Variants in TMEM108 observed in about 807,000 individuals in gnomAD.
TMEM108 encodes transmembrane protein 108, also known as cancer/testis antigen 124.
In TMEM108, 12 loss-of-function variants were observed where a neutral mutation model predicts 35.1. That is an observed-to-expected ratio of 0.34 (90% CI 0.22 to 0.55). TMEM108 has a LOEUF of 0.55. Ranked by LOEUF, TMEM108 falls within the 20% of genes least tolerant of loss-of-function variation. The probability of loss-of-function intolerance (pLI) is 0.89; values close to 1 mark genes in which losing one functional copy is unlikely to be tolerated. For missense variants in TMEM108, 680 were observed against 753.3 expected (o/e 0.90, Z 1.14); for synonymous variants, 287 against 308.6 (o/e 0.93, Z 0.73).
chr3:133,176,287 C>T (rs1230521385), intron 2 of TMEM108, among the ~76,000 whole-genome samples: 2 of 152,076 alleles, frequency 1.3e-5, no homozygotes, highest in African/African-American at 2.4e-5. Context: ...AACAAGGATA[C>T]CCAGGAATTG....
chr3:133,062,834 C>G (rs1208479062), intron 2 of TMEM108, among the ~76,000 whole-genome samples: 1 of 152,178 alleles, frequency 6.6e-6, no homozygotes, highest in African/African-American at 2.4e-5. Flanking sequence ...GTTTTTCTCC[C>G]TCTGGGCCTT....
At chr3:133,275,387 G>A (rs1460194460) in intron 3 of TMEM108, among the ~76,000 whole-genome samples, 1 of 152,134 alleles carries the variant, frequency 6.6e-6, no homozygotes, top group East Asian at 1.9e-4. Context: ...ATTTTAACAT[G>A]TAATTGGATT....
intron 2 of TMEM108, among the ~76,000 whole-genome samples, chr3:133,214,007 A>G (rs1945870207): frequency 6.6e-6 from 1 of 152,300 alleles, no homozygotes; most frequent in African/African-American, 2.4e-5. Context: ...CCTTTGGGTC[A>G]TTTCTGGCTT....
At chr3:133,073,510 C>CTCTCTCTCTCTCTCTCTATATATA in intron 2 of TMEM108, among the ~76,000 whole-genome samples, 30 of 43,876 alleles carry the variant, frequency 6.8e-4, no homozygotes, top group African/African-American at 1.2e-3. Context: ...CTCTCTCTCT[C>CTCTCTCTCTCTCTCTCTATATATA]TATATATATA....
At chr3:133,311,044 A>T (rs561684705) in intron 3 of TMEM108, among the ~76,000 whole-genome samples, 1 of 152,320 alleles carries the variant, frequency 6.6e-6, no homozygotes, top group South Asian at 2.1e-4. Context: ...AATGTTGAAT[A>T]TTGACCCCCA....
chr3:133,221,203 G>A (rs144903723), intron 2 of TMEM108, among the ~76,000 whole-genome samples: 4 of 152,222 alleles, frequency 2.6e-5, no homozygotes, highest in South Asian at 2.1e-4. Flanking sequence ...GAGAATGTAG[G>A]ATGGGGCTGA....
At chr3:133,353,194 T>A (rs7636781) in intron 3 of TMEM108, among the ~76,000 whole-genome samples, 50,203 of 152,038 alleles carry the variant, frequency 0.33, 8,831 homozygotes, top group East Asian at 0.48. Context: ...GTGGAGGAGA[T>A]CCTTTCCCAA....
intron 3 of TMEM108, among the ~76,000 whole-genome samples, chr3:133,332,584 T>G (rs2071409400): frequency 4.6e-5 from 7 of 152,214 alleles, no homozygotes; most frequent in Admixed American, 4.6e-4. Flanking sequence ...AAGATTCTTC[T>G]GATGCTGTGG....
intron 2 of TMEM108, among the ~76,000 whole-genome samples, chr3:133,111,428 C>T (rs1484843831): frequency 6.6e-6 from 1 of 152,048 alleles, no homozygotes; most frequent in Admixed American, 6.6e-5. Flanking sequence ...ACCCTTTCTT[C>T]TCATCATGAG....
intron 2 of TMEM108, among the ~76,000 whole-genome samples, chr3:133,176,270 GA>G (rs879417548): frequency 3.1e-4 from 47 of 151,788 alleles, no homozygotes; most frequent in Admixed American, 7.9e-4. Flanking sequence ...CAACAAGACA[GA>G]AGGTTAACAA....
chr3:133,040,644 T>C (rs534669284), intron 1 of TMEM108, among the ~76,000 whole-genome samples: 10 of 152,256 alleles, frequency 6.6e-5, no homozygotes, highest in Non-Finnish European at 1.5e-4. Flanking sequence ...ATGCATTGTT[T>C]GTTTGGCCTG....
In TMEM108 at chr3:133,379,947, C is replaced by T. The variant is rs755326269; in HGVS notation, c.236C>T (p.Ala79Val). ...NPDGPPSQAAAPMATPTPRAE... is the reference protein window; with the variant it reads ...NPDGPPSQAAVPMATPTPRAE... Reference sequence around the variant, plus strand: ...GATGGACCCCCCTCACAGGCTGCAGCTCCCATGGCAACACCGACACCCCGT... The same window carrying T: ...GATGGACCCCCCTCACAGGCTGCAGTTCCCATGGCAACACCGACACCCCGT... The change falls in exon 4 of 6, where the codon GCT (alanine) becomes GTT (valine). Residue 79 changes from alanine (A) to valine (V), a missense_variant. Transcript: ENST00000321871. 6.2e-7 allele frequency: 1 copy of T among 1,613,834 alleles called. No individual in the cohort carries two copies. The highest frequency in any genetic ancestry group is 1.3e-5 in the African/African-American group (1 of 74,938).
At chr3:133,124,509 G>A (rs1314739416) in intron 2 of TMEM108, among the ~76,000 whole-genome samples, 1 of 152,110 alleles carries the variant, frequency 6.6e-6, no homozygotes, top group Non-Finnish European at 1.5e-5. Context: ...TTCACCCTGG[G>A]GCAAGAAGAG....
intron 2 of TMEM108, among the ~76,000 whole-genome samples, chr3:133,183,734 C>CA (rs1945380791): frequency 6.6e-6 from 1 of 152,114 alleles, no homozygotes; most frequent in South Asian, 2.1e-4. Context: ...GGAACCTGTG[C>CA]AAGGCCCTTC....
intron 3 of TMEM108, 130 bp downstream of exon 3, chr3:133,229,481 C>A: frequency 1.4e-6 from 1 of 693,572 alleles, no homozygotes; most frequent in Non-Finnish European, 2.3e-6. Context: ...TTTCACTCTG[C>A]TTCATCTAGA....
At chr3:133,349,729 G>A (rs113128144) in intron 3 of TMEM108, among the ~76,000 whole-genome samples, 2 of 152,040 alleles carry the variant, frequency 1.3e-5, no homozygotes, top group African/African-American at 4.8e-5. Flanking sequence ...ACCACAATGA[G>A]ATACCATCTC....
At chr3:133,392,131 ACTTCT>A (rs888639871) in intron 5 of TMEM108, among the ~76,000 whole-genome samples, 2 of 140,632 alleles carry the variant, frequency 1.4e-5, no homozygotes, top group Admixed American at 1.4e-4. Flanking sequence ...TCCTGCCACC[ACTTCT>A]CTTCTTTTTT....
intron 2 of TMEM108, among the ~76,000 whole-genome samples, chr3:133,178,258 A>C (rs1234124144): frequency 6.6e-6 from 1 of 152,230 alleles, no homozygotes; most frequent in African/African-American, 2.4e-5. Flanking sequence ...TTATAGATTC[A>C]ATGCCATCCC....
chr3:133,327,559 G>A (rs952135469), intron 3 of TMEM108, among the ~76,000 whole-genome samples: 3 of 152,066 alleles, frequency 2.0e-5, no homozygotes, highest in Non-Finnish European at 4.4e-5. Context: ...GGGCCTGAGG[G>A]CTGTTGCTTC....
Sources: allele counts gnomAD v4.1 joint callset (sites outside exome capture counted in the v4.1 genomes callset), GRCh38; gene constraint gnomAD v4.1.1; transcripts MANE v1.5; gene names NCBI Gene and HGNC (gene_info 2026-07-23, HGNC 2026-07-21).